The following GNG12 variants were observed in gnomAD, a reference collection of about 807,000 sequenced individuals.
GNG12 encodes guanine nucleotide-binding protein G(I)/G(S)/G(O) subunit gamma-12.
For missense variants in GNG12, 69 were observed against 83.8 expected, an observed-to-expected ratio of 0.82 and a Z score of 0.69; for synonymous variants, 28 against 29.7, an observed-to-expected ratio of 0.94 and a Z score of 0.19.
chr1:67,790,547 T>A (rs1646795916), intron 1 of GNG12, among the ~76,000 whole-genome samples: 1 of 152,194 alleles, frequency 6.6e-6, no homozygotes, highest in African/African-American at 2.4e-5. Flanking sequence ...GGTGATGTAT[T>A]TATGTATCTG....
chr1:67,783,225 T>C (rs949839426), intron 1 of GNG12, among the ~76,000 whole-genome samples: 3 of 152,216 alleles, frequency 2.0e-5, no homozygotes, highest in Non-Finnish European at 4.4e-5. Context: ...AAGCCACAAT[T>C]TCCTAAATCA....
intron 1 of GNG12, among the ~76,000 whole-genome samples, chr1:67,786,169 A>G (rs1257614333): frequency 6.6e-6 from 1 of 152,196 alleles, no homozygotes; most frequent in Non-Finnish European, 1.5e-5. Context: ...GGATGATTTA[A>G]CATTTTATTG....
At chr1:67,775,114 C>T (rs1321675130) in intron 2 of GNG12, among the ~76,000 whole-genome samples, 1 of 151,972 alleles carries the variant, frequency 6.6e-6, no homozygotes, top group Non-Finnish European at 1.5e-5. Flanking sequence ...GAACACTGGC[C>T]GACTGGAGAT....
chr1:67,802,652 G>C (rs539304970), intron 1 of GNG12, among the ~76,000 whole-genome samples: 1 of 152,188 alleles, frequency 6.6e-6, no homozygotes, highest in Non-Finnish European at 1.5e-5. Context: ...CGAGGCAGTA[G>C]TGTCCCAGGC....
At chr1:67,742,204 T>C (rs2100714138) in intron 2 of GNG12, among the ~76,000 whole-genome samples, 1 of 152,292 alleles carries the variant, frequency 6.6e-6, no homozygotes, top group Admixed American at 6.5e-5. Flanking sequence ...TTCACAACAT[T>C]CACAAAAAGA....
chr1:67,724,110 G>GT (rs1387216697), intron 2 of GNG12, among the ~76,000 whole-genome samples: 1 of 152,224 alleles, frequency 6.6e-6, no homozygotes, highest in Non-Finnish European at 1.5e-5. Context: ...GGGCAGGAGG[G>GT]TTGTTTCAGA....
intron 2 of GNG12, among the ~76,000 whole-genome samples, chr1:67,750,880 C>G (rs1048705030): frequency 2.6e-5 from 4 of 152,150 alleles, no homozygotes; most frequent in Non-Finnish European, 5.9e-5. Context: ...TCCTTTCCCA[C>G]TTATTAGTCG....
intron 1 of GNG12, among the ~76,000 whole-genome samples, chr1:67,794,048 A>T: frequency 6.6e-6 from 1 of 152,244 alleles, no homozygotes; most frequent in East Asian, 1.9e-4. Flanking sequence ...CAGCATAAAC[A>T]GAATCTTAAG....
At chr1:67,730,506 C>A (rs1307949588) in intron 2 of GNG12, among the ~76,000 whole-genome samples, 2 of 151,928 alleles carry the variant, frequency 1.3e-5, no homozygotes, top group Admixed American at 6.6e-5. Flanking sequence ...CGCCACCCCC[C>A]AACCGCCCCC....
Position 67,768,531 on chromosome 1 carries a change from C to T in GNG12, c.-27+8927G>A, listed in dbSNP as rs761118681. On this transcript the variant is annotated intron_variant, in intron 2 of 3. Coordinates refer to ENST00000370982, the MANE Select transcript of GNG12 (RefSeq NM_018841.6). ...GGCTTTAAAGGTTTTTAGAAATCAT[C>T]ATAATAGTTAAATGCAAACAATGTA... Among the ~76,000 whole-genome samples, 5 of 152,158 alleles carry T rather than the reference C, an allele frequency of 3.3e-5. No homozygotes were observed. The South Asian group carries it at 1.0e-3, about 32-fold the overall frequency.
chr1:67,797,719 T>TCA (rs1442021024), intron 1 of GNG12, among the ~76,000 whole-genome samples: 3 of 152,128 alleles, frequency 2.0e-5, no homozygotes, highest in Non-Finnish European at 4.4e-5. Flanking sequence ...GAAAATAGGA[T>TCA]GGGAAATGGA....
intron 1 of GNG12, among the ~76,000 whole-genome samples, chr1:67,791,368 CCA>C (rs938761862): frequency 8.5e-5 from 13 of 152,066 alleles, no homozygotes; most frequent in African/African-American, 2.9e-4. Flanking sequence ...ATCTCTATCT[CCA>C]GTCTCAGCTT....
chr1:67,808,395 A>G (rs1182686344), intron 1 of GNG12, among the ~76,000 whole-genome samples: 5 of 152,166 alleles, frequency 3.3e-5, no homozygotes. Context: ...ACTAGGAAAA[A>G]GGCCAAGATG....
intron 2 of GNG12, among the ~76,000 whole-genome samples, chr1:67,718,767 G>A (rs982636843): frequency 2.6e-5 from 4 of 152,074 alleles, no homozygotes; most frequent in Non-Finnish European, 5.9e-5. Flanking sequence ...ACCCCTTTCA[G>A]TTTGGTCCTC....
chr1:67,765,738 G>A (rs1032350410), intron 2 of GNG12, among the ~76,000 whole-genome samples: 5 of 152,224 alleles, frequency 3.3e-5, no homozygotes, highest in Non-Finnish European at 7.3e-5. Context: ...AGGTGTAAAT[G>A]AAACGATGCG....
chr1:67,786,933 A>ATATG (rs1271461515), intron 1 of GNG12, among the ~76,000 whole-genome samples: 1 of 52,102 alleles, frequency 1.9e-5, no homozygotes, highest in Non-Finnish European at 4.4e-5. Flanking sequence ...ACTTATATAT[A>ATATG]TATGTGTGTG....
At chr1:67,741,319 G>A (rs1420443592) in intron 2 of GNG12, among the ~76,000 whole-genome samples, 1 of 152,170 alleles carries the variant, frequency 6.6e-6, no homozygotes, top group African/African-American at 2.4e-5. Context: ...CATGGCCACC[G>A]CCTTCTTGTG....
At chr1:67,705,721 T>G in intron 3 of GNG12, 145 bp from the exon 4 acceptor site, 18 of 1,358,844 alleles carry the variant, frequency 1.3e-5, no homozygotes, top group Non-Finnish European at 1.7e-5. Flanking sequence ...CAGATTCTTG[T>G]CAGGTATAAA....
In GNG12 at chr1:67,777,480, A is replaced by T; in HGVS notation, c.-49T>A. Reference sequence around the variant, plus strand: ...TACCAGTAAGACTTTGTGTGGTCCAATGTTTTCAGGTTTTAAGTGGAATGA... The same window carrying T: ...TACCAGTAAGACTTTGTGTGGTCCATTGTTTTCAGGTTTTAAGTGGAATGA... On this transcript the variant is annotated 5_prime_UTR_variant, in exon 2 of 4. The change creates a new upstream start codon in the 5' untranslated region. Coordinates refer to ENST00000370982, the MANE Select transcript of GNG12 (RefSeq NM_018841.6). The T allele has an allele frequency of 1.1e-6, 1 of 920,516 alleles. No individual in the cohort carries two copies. Among genetic ancestry groups the T allele is most frequent in the Non-Finnish European group, 1.3e-6 (1 of 770,624 alleles). The allele number at this position is 920,516 out of a possible 1,614,324, so 57.0% of individuals were successfully genotyped here.
Sources: allele counts gnomAD v4.1 joint callset (sites outside exome capture counted in the v4.1 genomes callset), GRCh38; gene constraint gnomAD v4.1.1; transcripts MANE v1.5; gene names NCBI Gene and HGNC (gene_info 2026-07-23, HGNC 2026-07-21).